The following ROBO1 variants were observed in gnomAD, a reference collection of about 807,000 sequenced individuals.
ROBO1 encodes the protein roundabout guidance receptor 1.
A neutral mutation model predicts 195.9 loss-of-function variants in ROBO1; 149 were observed. That is an observed-to-expected ratio of 0.76 (90% CI 0.67 to 0.87). The LOEUF (loss-of-function observed/expected upper bound fraction) is 0.87. Ranked by LOEUF, ROBO1 falls within the 40% of genes least tolerant of loss-of-function variation. The probability of loss-of-function intolerance (pLI) is 0.00; values close to 1 mark genes in which losing one functional copy is unlikely to be tolerated. For missense variants in ROBO1, 1,933 were observed against 2,068.3 expected (o/e 0.93, Z 1.27); for synonymous variants, 816 against 733.2 (o/e 1.11, Z -1.82).
At chr3:79,381,115 T>C (rs1378699767) in intron 2 of ROBO1, among the ~76,000 whole-genome samples, 3 of 151,540 alleles carry the variant, frequency 2.0e-5, no homozygotes, top group African/African-American at 7.3e-5. Flanking sequence ...TCCCAGCACG[T>C]TGGGAGGCTG....
chr3:79,038,714 TA>T (rs202213711), intron 3 of ROBO1, among the ~76,000 whole-genome samples: 9,888 of 133,938 alleles, frequency 0.074, 892 homozygotes, highest in African/African-American at 0.22. Flanking sequence ...AAGTCCAATT[TA>T]AAAAAAAAAA....
intron 2 of ROBO1, among the ~76,000 whole-genome samples, chr3:79,431,815 G>A (rs2038690246): frequency 6.6e-6 from 1 of 152,126 alleles, no homozygotes; most frequent in South Asian, 2.1e-4. Flanking sequence ...AATTGAAAAT[G>A]TCTGAATCCT....
intron 2 of ROBO1, among the ~76,000 whole-genome samples, chr3:79,332,175 C>T (rs2034473090): frequency 6.9e-6 from 1 of 144,856 alleles, no homozygotes; most frequent in Non-Finnish European, 1.5e-5. Flanking sequence ...AAGAATGTGA[C>T]TTTAAGGAGA....
chr3:78,939,071 T>G, intron 3 of ROBO1, 144 bp from the exon 4 acceptor site: 1 of 720,318 alleles, frequency 1.4e-6, no homozygotes, highest in Non-Finnish European at 2.2e-6. Flanking sequence ...ACAATCTTTC[T>G]GGTGTCCGCC....
At chr3:79,502,814 T>G (rs1187247537) in intron 2 of ROBO1, among the ~76,000 whole-genome samples, 4 of 151,956 alleles carry the variant, frequency 2.6e-5, no homozygotes, top group Non-Finnish European at 5.9e-5. Flanking sequence ...TCAGGGTTCG[T>G]AAATACACCA....
At chr3:79,516,990 C>T (rs991650676) in intron 2 of ROBO1, among the ~76,000 whole-genome samples, 1 of 152,188 alleles carries the variant, frequency 6.6e-6, no homozygotes, top group Non-Finnish European at 1.5e-5. Flanking sequence ...TGTCATCAGA[C>T]AAAATGTGTC....
chr3:79,005,253 G>A (rs2077593902), intron 3 of ROBO1, among the ~76,000 whole-genome samples: 1 of 152,158 alleles, frequency 6.6e-6, no homozygotes, highest in Non-Finnish European at 1.5e-5. Context: ...CTCCCACTCA[G>A]ACGTTATTCC....
intron 3 of ROBO1, among the ~76,000 whole-genome samples, chr3:79,073,464 T>C (rs1252844846): frequency 1.3e-5 from 2 of 151,794 alleles, no homozygotes. Flanking sequence ...AGTCTCAGGG[T>C]CTCTGTAGTT....
At chr3:79,191,068 T>C (rs112703441) in intron 2 of ROBO1, among the ~76,000 whole-genome samples, 9 of 151,626 alleles carry the variant, frequency 5.9e-5, no homozygotes, top group African/African-American at 2.2e-4. Flanking sequence ...ATAATAATTT[T>C]AAAATATGTA....
intron 2 of ROBO1, among the ~76,000 whole-genome samples, chr3:79,129,705 C>A (rs547339739): frequency 6.6e-6 from 1 of 152,214 alleles, no homozygotes; most frequent in South Asian, 2.1e-4. Flanking sequence ...TGGCTTAATA[C>A]AGCTACCTAA....
intron 10 of ROBO1, among the ~76,000 whole-genome samples, chr3:78,677,692 C>CAAAGAG (rs1296289238): frequency 6.6e-6 from 1 of 152,048 alleles, no homozygotes; most frequent in Non-Finnish European, 1.5e-5. Flanking sequence ...GAGTGACCTA[C>CAAAGAG]AAAGAGACTT....
chr3:79,044,275 C>T (rs1159760205), intron 3 of ROBO1, among the ~76,000 whole-genome samples: 3 of 152,062 alleles, frequency 2.0e-5, no homozygotes, highest in African/African-American at 7.2e-5. Flanking sequence ...TTTAAAAATG[C>T]TTAACTTTCC....
At chr3:79,346,826 C>T (rs1305713124) in intron 2 of ROBO1, among the ~76,000 whole-genome samples, 3 of 151,572 alleles carry the variant, frequency 2.0e-5, no homozygotes, top group Non-Finnish European at 4.4e-5. Flanking sequence ...GGATAATAAG[C>T]ATATAGATTA....
Position 79,045,079 on chromosome 3 carries a change from C to T in ROBO1, c.172+80377G>A, listed in dbSNP as rs552773934. Reference sequence around the variant, plus strand: ...AATAGTTCTTTGAAAGACCATGAAGCGCTATGGAAGAAATGATCTGATCCT... The same window carrying T: ...AATAGTTCTTTGAAAGACCATGAAGTGCTATGGAAGAAATGATCTGATCCT... On this transcript the variant is annotated intron_variant, in intron 3 of 30. Coordinates refer to ENST00000464233, the MANE Select transcript of ROBO1 (RefSeq NM_002941.4). Among the ~76,000 whole-genome samples, 11 of 151,570 alleles carry T rather than the reference C, an allele frequency of 7.3e-5. No individual in the cohort carries two copies. In the East Asian group the frequency reaches 7.8e-4, roughly 11 times the overall value.
At chr3:79,554,907 A>C (rs1942644499) in intron 2 of ROBO1, among the ~76,000 whole-genome samples, 1 of 152,094 alleles carries the variant, frequency 6.6e-6, no homozygotes, top group Admixed American at 6.6e-5. Context: ...TTCTAACATC[A>C]ATCTGGCGTG....
At chr3:79,717,997 A>G (rs905585057) in intron 1 of ROBO1, among the ~76,000 whole-genome samples, 1 of 152,082 alleles carries the variant, frequency 6.6e-6, no homozygotes, top group African/African-American at 2.4e-5. Flanking sequence ...AACATCAGAA[A>G]GAGGCAAAGG....
chr3:79,235,298 T>C (rs574677006), intron 2 of ROBO1, among the ~76,000 whole-genome samples: 1 of 152,200 alleles, frequency 6.6e-6, no homozygotes, highest in Admixed American at 6.5e-5. Flanking sequence ...AAAAGGAAAA[T>C]AAGTGGTTGC....
intron 1 of ROBO1, among the ~76,000 whole-genome samples, chr3:79,735,897 AC>A (rs1482962624): frequency 3.8e-4 from 47 of 122,528 alleles, no homozygotes; most frequent in African/African-American, 1.3e-3. Flanking sequence ...CAAAAAAAAA[AC>A]AAAAAATGCC....
In ROBO1 at chr3:79,105,576, C is replaced by T. The variant is rs138820306; in HGVS notation, c.172+19880G>A. 2.1e-3 allele frequency among the ~76,000 whole-genome samples: 320 copies of T among 151,738 alleles called. 2 individuals carry two copies. Among genetic ancestry groups the T allele is most frequent in the African/African-American group, 7.3e-3 (303 of 41,476 alleles). On this transcript the variant is annotated intron_variant, in intron 3 of 30. Coordinates refer to ENST00000464233, the MANE Select transcript of ROBO1 (RefSeq NM_002941.4). Reference sequence around the variant, plus strand: ...TTTGGATTTCACATATTAATTTTATCTTATGAATTTCATGCCTGTGGTGAA... The same window carrying T: ...TTTGGATTTCACATATTAATTTTATTTTATGAATTTCATGCCTGTGGTGAA...
Sources: gnomAD v4.1 joint callset for allele counts (sites outside exome capture counted in the v4.1 genomes callset) on GRCh38, gnomAD v4.1.1 for gene constraint, MANE v1.5 for transcripts, NCBI Gene and HGNC (gene_info 2026-07-23, HGNC 2026-07-21) for gene names.